The following MALRD1 variants were observed in gnomAD, a reference collection of about 807,000 sequenced individuals.
MALRD1 encodes MAM and LDL receptor class A domain containing 1.
A neutral mutation model predicts 242.1 loss-of-function variants in MALRD1; 247 were observed. The observed-to-expected ratio is 1.02, with a 90% CI of 0.92 to 1.13. The LOEUF (loss-of-function observed/expected upper bound fraction) is 1.13. Among genes scored for constraint, MALRD1 ranks in the 50% most tolerant of loss-of-function variants. MALRD1 has a pLI of 0.00. For synonymous variants in MALRD1, 995 were observed against 866.6 expected (o/e 1.15, Z -2.60); for missense variants, 2,989 against 2,533.1 (o/e 1.18, Z -3.86).
intron 5 of MALRD1, among the ~76,000 whole-genome samples, chr10:19,110,199 T>C (rs1836627452): frequency 6.6e-6 from 1 of 152,172 alleles, no homozygotes; most frequent in Admixed American, 6.6e-5. Context: ...TAAGCGTCTC[T>C]AGTCAGTTGT....
chr10:19,651,798 T>C lies in MALRD1; in HGVS notation c.6137+35875T>C, dbSNP rs1034955376. On this transcript the variant is annotated intron_variant, in intron 36 of 39. Transcript: ENST00000454679. The stretch of plus-strand genomic sequence containing the variant: ...AGAGTGGGGCTTGATTCATTCTGTC[T>C]GGGCATGATGTCAGGGCTCTTAGTT... 5.9e-5 allele frequency among the ~76,000 whole-genome samples: 9 copies of C among 152,210 alleles called. No individual in the cohort carries two copies. In the East Asian group the frequency reaches 1.5e-3, roughly 26 times the overall value.
chr10:19,282,663 A>T (rs1840874937), intron 20 of MALRD1, among the ~76,000 whole-genome samples: 1 of 152,194 alleles, frequency 6.6e-6, no homozygotes, highest in African/African-American at 2.4e-5. Context: ...CCCTTCAGAG[A>T]CTGAGAAAAG....
chr10:19,276,257 C>A (rs1376964978), intron 19 of MALRD1, among the ~76,000 whole-genome samples: 1 of 151,558 alleles, frequency 6.6e-6, no homozygotes, highest in Non-Finnish European at 1.5e-5. Flanking sequence ...ATAGGACATA[C>A]AAATAAAAAG....
chr10:19,681,297 A>T (rs1842361140), intron 36 of MALRD1, among the ~76,000 whole-genome samples: 2 of 152,146 alleles, frequency 1.3e-5, no homozygotes, highest in South Asian at 4.1e-4. Context: ...TACCCCAATC[A>T]GTCATGGGTT....
At chr10:19,357,483 A>C (rs1844689409) in intron 26 of MALRD1, among the ~76,000 whole-genome samples, 1 of 152,156 alleles carries the variant, frequency 6.6e-6, no homozygotes, top group Non-Finnish European at 1.5e-5. Flanking sequence ...CATTTTATTA[A>C]GCACGTTTCT....
At chr10:19,115,428 C>T (rs1428699085) in intron 5 of MALRD1, among the ~76,000 whole-genome samples, 1 of 148,332 alleles carries the variant, frequency 6.7e-6, no homozygotes, top group Middle Eastern at 3.2e-3. Flanking sequence ...AAAATAAAAG[C>T]TTTTTTTTTT....
intron 36 of MALRD1, among the ~76,000 whole-genome samples, chr10:19,680,942 A>G (rs1211827892): frequency 6.6e-6 from 1 of 152,062 alleles, no homozygotes. Flanking sequence ...GTTGGAAATT[A>G]TTGTCTTTAA....
chr10:19,148,504 A>T (rs1280471236), intron 11 of MALRD1, among the ~76,000 whole-genome samples: 1 of 152,132 alleles, frequency 6.6e-6, no homozygotes, highest in Non-Finnish European at 1.5e-5. Flanking sequence ...TAATAAGAAG[A>T]CTAGGAAAAA....
chr10:19,504,907 C>A (rs1838138396), intron 31 of MALRD1, among the ~76,000 whole-genome samples: 2 of 151,608 alleles, frequency 1.3e-5, no homozygotes, highest in South Asian at 2.1e-4. Flanking sequence ...TGGTCTCGAT[C>A]TCCTGACCTC....
chr10:19,676,897 A>G (rs1008436831), intron 36 of MALRD1, among the ~76,000 whole-genome samples: 1 of 152,148 alleles, frequency 6.6e-6, no homozygotes, highest in East Asian at 1.9e-4. Context: ...GCTTCCACTT[A>G]TAAGTGAGAA....
chr10:19,539,897 T>TGTGTGTGTGTGTGTGTGTGTGTGCGC (rs1365113182), intron 32 of MALRD1, among the ~76,000 whole-genome samples: 1 of 44,418 alleles, frequency 2.3e-5, no homozygotes, highest in African/African-American at 6.7e-5. Flanking sequence ...TGTGTGTGTG[T>TGTGTGTGTGTGTGTGTGTGTGTGCGC]GCGCGCGCGC....
At chr10:19,154,012 A>C (rs1032487501) in intron 11 of MALRD1, among the ~76,000 whole-genome samples, 1 of 152,186 alleles carries the variant, frequency 6.6e-6, no homozygotes, top group Non-Finnish European at 1.5e-5. Context: ...TTTAGGTGGA[A>C]GAATTTTTCA....
intron 19 of MALRD1, 61 bp from the exon 20 acceptor site, chr10:19,279,986 C>G: frequency 7.6e-7 from 1 of 1,309,324 alleles, no homozygotes; most frequent in South Asian, 1.8e-5. Flanking sequence ...TGTAAAATCT[C>G]TAAAGCAGTA....
At chr10:19,139,716 G>T (rs1001630139) in intron 10 of MALRD1, among the ~76,000 whole-genome samples, 2 of 152,140 alleles carry the variant, frequency 1.3e-5, no homozygotes, top group African/African-American at 2.4e-5. Flanking sequence ...AATAAAAACG[G>T]CCTGTGGGTT....
intron 38 of MALRD1, among the ~76,000 whole-genome samples, chr10:19,716,642 A>T (rs1209048102): frequency 6.6e-6 from 1 of 152,236 alleles, no homozygotes; most frequent in Non-Finnish European, 1.5e-5. Context: ...AGCTTTTGAG[A>T]TAATTATTGA....
chr10:19,572,110 C>G (rs958027301), intron 33 of MALRD1, among the ~76,000 whole-genome samples: 4 of 152,194 alleles, frequency 2.6e-5, no homozygotes, highest in African/African-American at 9.7e-5. Flanking sequence ...TCCTATCCCC[C>G]ACCAACCTTT....
intron 21 of MALRD1, among the ~76,000 whole-genome samples, chr10:19,313,847 G>A (rs1842532058): frequency 6.6e-6 from 1 of 151,468 alleles, no homozygotes; most frequent in Non-Finnish European, 1.5e-5. Context: ...AATGAGAATA[G>A]TTGGCTCTGA....
chr10:19,676,525 G>T (rs939602784), intron 36 of MALRD1, among the ~76,000 whole-genome samples: 1 of 152,140 alleles, frequency 6.6e-6, no homozygotes, highest in South Asian at 2.1e-4. Context: ...ATTTGAAATT[G>T]ACTTAATGAT....
Position 19,171,457 on chromosome 10 carries a change from T to TATATACACAC in MALRD1, c.1831-3750_1831-3749insTATACACACA, listed in dbSNP as rs1166665866. On this transcript the variant is annotated intron_variant, in intron 13 of 39. Transcript: ENST00000454679. ...ATATATATATATATATATATATATA[T>TATATACACAC]ACACACATGTATATACACACACACA... 7.4e-4 allele frequency among the ~76,000 whole-genome samples: 55 copies of TATATACACAC among 74,544 alleles called. 1 individual carries two copies. Among genetic ancestry groups the TATATACACAC allele is most frequent in the Admixed American group, 2.1e-3 (14 of 6,574 alleles). The allele number at this position is 74,544 out of a possible 152,430, so 48.9% of individuals were successfully genotyped here.
Sources: gnomAD v4.1 joint callset for allele counts (sites outside exome capture counted in the v4.1 genomes callset) on GRCh38, gnomAD v4.1.1 for gene constraint, MANE v1.5 for transcripts, NCBI Gene and HGNC (gene_info 2026-07-23, HGNC 2026-07-21) for gene names.